The following HEATR5A variants were observed in gnomAD, a reference collection of about 807,000 sequenced individuals.
The protein encoded by HEATR5A is HEAT repeat-containing protein 5A.
Under a neutral mutation model 218.8 loss-of-function variants are expected in HEATR5A, and 178 were observed. That is an observed-to-expected ratio of 0.81 (90% CI 0.72 to 0.92). The LOEUF (loss-of-function observed/expected upper bound fraction) is 0.92. Ranked by LOEUF, HEATR5A falls within the 40% of genes least tolerant of loss-of-function variation. The probability of loss-of-function intolerance (pLI) is 0.00; values close to 1 mark genes in which losing one functional copy is unlikely to be tolerated. For synonymous variants in HEATR5A, 864 were observed against 871.6 expected, an observed-to-expected ratio of 0.99 and a Z score of 0.15; for missense variants, 2,420 against 2,418.9, an observed-to-expected ratio of 1.00 and a Z score of -0.01.
chr14:31,308,295 G>A (rs1899619969), intron 29 of HEATR5A, among the ~76,000 whole-genome samples: 3 of 152,130 alleles, frequency 2.0e-5, no homozygotes, highest in Admixed American at 1.3e-4. Context: ...ATCATCTGAG[G>A]TCAGGAGTTT....
chr14:31,352,252 T>C (rs1870027793), intron 16 of HEATR5A, among the ~76,000 whole-genome samples: 1 of 152,218 alleles, frequency 6.6e-6, no homozygotes. Flanking sequence ...GTAAATTATC[T>C]TGATGGCAGG....
chr14:31,371,993 G>T, intron 12 of HEATR5A, 84 bp from the exon 13 acceptor site: 5 of 569,396 alleles, frequency 8.8e-6, no homozygotes, highest in East Asian at 3.2e-5. Flanking sequence ...CATTAGCATT[G>T]TTATTAGAGT....
intron 14 of HEATR5A, among the ~76,000 whole-genome samples, chr14:31,359,287 A>AGTGTGT (rs35338545): frequency 0.012 from 616 of 50,478 alleles, 6 homozygotes; most frequent in Middle Eastern, 0.054. Flanking sequence ...AAAGTGTAAG[A>AGTGTGT]GTGTGTGTGT....
chr14:31,380,477 C>T lies in HEATR5A; in HGVS notation c.1698G>A (p.Leu566=). 6.2e-7 allele frequency: 1 copy of T among 1,602,760 alleles called. No individual in the cohort carries two copies. The highest frequency in any genetic ancestry group is 8.5e-7 in the Non-Finnish European group (1 of 1,173,608). ...TQAGWLLISA[L]MTLGPAVVSH... Reference sequence around the variant, plus strand: ...TCTACAGACTGTTACCTAATGTCATCAGAGCAGAAATCAGCAACCATCCAG... The same window carrying T: ...TCTACAGACTGTTACCTAATGTCATTAGAGCAGAAATCAGCAACCATCCAG... The change falls in exon 11 of 36, where the codon CTG becomes CTA. Residue 566 remains leucine (L), a synonymous_variant. Transcript: ENST00000543095.
In HEATR5A at chr14:31,387,224, G is replaced by GA; in HGVS notation, c.1084dup (p.Ser362PhefsTer41). The GA allele has an allele frequency of 1.2e-6, 2 of 1,613,932 alleles. No individual in the cohort carries two copies. The highest frequency in any genetic ancestry group is 1.7e-6 in the Non-Finnish European group (2 of 1,179,862). ...ACCTATAGTAGTTCGAAGAATAAAT[G>GA]AAACACAACGGCGACAGCAGACGGC... On this transcript the variant is annotated frameshift_variant, in exon 8 of 36. Transcript: ENST00000543095. LOFTEE classifies it high-confidence loss of function.
At chr14:31,295,428 G>A (rs1899152003) in intron 34 of HEATR5A, 1 of 152,356 alleles carries the variant, frequency 6.6e-6, no homozygotes, top group Admixed American at 6.6e-5. Context: ...TGTATTTTTT[G>A]TAGGGATGCA....
intron 1 of HEATR5A, among the ~76,000 whole-genome samples, chr14:31,411,428 A>C (rs1040226610): frequency 2.6e-5 from 4 of 152,212 alleles, no homozygotes. Context: ...AGGAAAAAAA[A>C]GTAAAGAAAA....
Position 31,394,199 on chromosome 14 carries a change from T to C in HEATR5A, c.625A>G (p.Ile209Val), listed in dbSNP as rs1172321114. ...KCLLELQNEAIFMWSTDLDSV... is the reference protein window; with the variant it reads ...KCLLELQNEAVFMWSTDLDSV... ...TCCAGGTCCGTACTCCACATAAAGATGGCTTCATTCTGAAGTTCAAGGAGA... is the reference window on the plus strand; with the variant it reads ...TCCAGGTCCGTACTCCACATAAAGACGGCTTCATTCTGAAGTTCAAGGAGA... Residue 209 changes from isoleucine to valine, a missense_variant, in exon 6 of 36, where the codon ATC becomes GTC. By Grantham distance (29) the Ile-to-Val change is conservative. Transcript: ENST00000543095. 1 of 1,500,304 alleles carries C rather than the reference T, an allele frequency of 6.7e-7. No individual in the cohort carries two copies. Among genetic ancestry groups the C allele is most frequent in the Admixed American group, 2.3e-5 (1 of 42,648 alleles). 92.9% of individuals were successfully genotyped at this position (1,500,304 alleles called of 1,614,324 possible). A position where few individuals can be genotyped will look rare whatever the true frequency, so the allele number is the denominator to read the frequency against.
At chr14:31,382,717 G>T (rs2030045263) in intron 10 of HEATR5A, among the ~76,000 whole-genome samples, 1 of 150,156 alleles carries the variant, frequency 6.7e-6, no homozygotes, top group African/African-American at 2.5e-5. Flanking sequence ...GACATTTTTT[G>T]GTAGCAATAC....
intron 6 of HEATR5A, among the ~76,000 whole-genome samples, chr14:31,392,148 G>A (rs2030478351): frequency 6.6e-6 from 1 of 152,170 alleles, no homozygotes; most frequent in Non-Finnish European, 1.5e-5. Flanking sequence ...TGTAAGTGAT[G>A]TTACATCCTG....
At chr14:31,300,463 G>A (rs1429980003) in intron 33 of HEATR5A, among the ~76,000 whole-genome samples, 1 of 151,968 alleles carries the variant, frequency 6.6e-6, no homozygotes, top group Non-Finnish European at 1.5e-5. Context: ...TGACTCTTCT[G>A]AGAAGCCTCT....
At chr14:31,393,328 G>A (rs994885281) in intron 6 of HEATR5A, among the ~76,000 whole-genome samples, 1 of 152,144 alleles carries the variant, frequency 6.6e-6, no homozygotes, top group Admixed American at 6.5e-5. Context: ...GAGCTAACAT[G>A]GTGAAATCCC....
intron 13 of HEATR5A, among the ~76,000 whole-genome samples, chr14:31,368,091 T>G (rs1169702209): frequency 6.6e-6 from 1 of 152,086 alleles, no homozygotes; most frequent in African/African-American, 2.4e-5. Context: ...GGCCTTTTGG[T>G]AGGTGTTCAG....
intron 11 of HEATR5A, among the ~76,000 whole-genome samples, 155 bp from the exon 12 acceptor site, chr14:31,375,123 A>T (rs1344555048): frequency 6.6e-6 from 1 of 152,192 alleles, no homozygotes; most frequent in Non-Finnish European, 1.5e-5. Context: ...TTATTACTGA[A>T]TGAATTATTA....
chr14:31,295,908 C>A lies in HEATR5A; in HGVS notation c.5619+1G>T, dbSNP rs753427372. The A allele has an allele frequency of 6.2e-7, 1 of 1,612,708 alleles. No individual in the cohort carries two copies. Among genetic ancestry groups the A allele is most frequent in the Non-Finnish European group, 8.5e-7 (1 of 1,179,032 alleles). On this transcript the variant is annotated splice_donor_variant, in intron 34 of 35. Coordinates refer to ENST00000543095, the MANE Select transcript of HEATR5A (RefSeq NM_015473.4). LOFTEE classifies it high-confidence loss of function. Reference sequence around the variant, plus strand: ...ACATCTTTCTGCTAAAAGACACTTACCACAGGATCTTTTATCTCAAGAGTA... The same window carrying A: ...ACATCTTTCTGCTAAAAGACACTTAACACAGGATCTTTTATCTCAAGAGTA...
At chr14:31,331,150 G>C (rs553929857) in intron 22 of HEATR5A, among the ~76,000 whole-genome samples, 190 of 151,992 alleles carry the variant, frequency 1.3e-3, no homozygotes, top group South Asian at 2.7e-3. Context: ...CATTTGACCA[G>C]GCTGGTCTCA....
rs1308929320 is a variant in HEATR5A at position 31,387,239 on chromosome 14, C to T, written c.1070G>A (p.Cys357Tyr). 6.2e-7 allele frequency: 1 copy of T among 1,613,946 alleles called. No individual in the cohort carries two copies. The highest frequency in any genetic ancestry group is 1.7e-5 in the Admixed American group (1 of 60,006). ...AAGAATAAATGAAACACAACGGCGA[C>T]AGCAGACGGCATCGATCTGAGTTTG... ...ATQTQIDAVC[C>Y]RRCVSFILRT... Residue 357 changes from cysteine to tyrosine, a missense_variant, in exon 8 of 36, where the codon TGT becomes TAT. Coordinates refer to ENST00000543095, the MANE Select transcript of HEATR5A (RefSeq NM_015473.4).
chr14:31,371,810 TG>T lies in HEATR5A; in HGVS notation c.1960del (p.Gln654SerfsTer6). 1 of 1,477,164 alleles carries T rather than the reference TG, an allele frequency of 6.8e-7. No individual in the cohort carries two copies. Among genetic ancestry groups the T allele is most frequent in the Non-Finnish European group, 9.2e-7 (1 of 1,089,806 alleles). 91.5% of individuals were successfully genotyped at this position (1,477,164 alleles called of 1,614,324 possible). A position where few individuals can be genotyped will look rare whatever the true frequency, so the allele number is the denominator to read the frequency against. On this transcript the variant is annotated frameshift_variant and splice_region_variant, in exon 13 of 36. Coordinates refer to ENST00000543095, the MANE Select transcript of HEATR5A (RefSeq NM_015473.4). LOFTEE classifies it high-confidence loss of function. ...TCAAATCTAAACAGTCGATGCTTAC[TG>T]AGTTAGCAAATCCACAGCACAAGGA... ...PLPCAVDLLTQLSSILKMYGS... is the reference protein window; with the variant it reads ...PLPCAVDLLTXLSSILKMYGS...
intron 11 of HEATR5A, among the ~76,000 whole-genome samples, chr14:31,379,384 G>A (rs547766502): frequency 1.0e-3 from 152 of 152,072 alleles, no homozygotes; most frequent in African/African-American, 3.6e-3. Flanking sequence ...CCGAGTAGCT[G>A]GGACTACAGG....
Sources: allele counts gnomAD v4.1 joint callset (sites outside exome capture counted in the v4.1 genomes callset), GRCh38; gene constraint gnomAD v4.1.1; transcripts MANE v1.5; gene names NCBI Gene and HGNC (gene_info 2026-07-23, HGNC 2026-07-21).